RSL1D1: variants seen among roughly 807,000 people sequenced by gnomAD.
RSL1D1 encodes the protein ribosomal L1 domain-containing protein 1.
A neutral mutation model predicts 44.6 loss-of-function variants in RSL1D1; 34 were observed. The observed-to-expected ratio is 0.76, with a 90% CI of 0.58 to 1.02. The LOEUF (loss-of-function observed/expected upper bound fraction) is 1.02, where lower values mean the gene tolerates loss of function less well. Ranked by LOEUF, RSL1D1 falls within the 50% of genes least tolerant of loss-of-function variation. RSL1D1 has a pLI of 0.00. For missense variants in RSL1D1, 767 were observed against 568.1 expected, an observed-to-expected ratio of 1.35 and a Z score of -3.56; for synonymous variants, 271 against 207.4, an observed-to-expected ratio of 1.31 and a Z score of -2.63.
At chr16:11,840,661 T>C (rs1168917297) in intron 7 of RSL1D1, among the ~76,000 whole-genome samples, 2 of 152,306 alleles carry the variant, frequency 1.3e-5, no homozygotes, top group South Asian at 2.1e-4. Flanking sequence ...AAATTAAATT[T>C]TCTCTCCTTC....
At chr16:11,839,066 G>C (rs1043249339) in intron 8 of RSL1D1, among the ~76,000 whole-genome samples, 1 of 151,906 alleles carries the variant, frequency 6.6e-6, no homozygotes, top group Admixed American at 6.6e-5. Context: ...CAGATTCTCT[G>C]TGTAAAAGCC....
chr16:11,836,609 GA>G lies in RSL1D1; in HGVS notation c.*1177del, dbSNP rs1217095159. 3 of 152,180 alleles carry G rather than the reference GA, an allele frequency of 2.0e-5. No homozygotes were observed. Among genetic ancestry groups the G allele is most frequent in the Non-Finnish European group, 2.9e-5 (2 of 68,046 alleles). The allele number at this position is 152,180 out of a possible 1,614,324, so 9.4% of individuals were successfully genotyped here. A position where few individuals can be genotyped will look rare whatever the true frequency, so the allele number is the denominator to read the frequency against. ...TCCATATGGACTGAGGAATAAGGAG[GA>G]AGAGGATAAGGCTTATGGAAGATAA... On this transcript the variant is annotated 3_prime_UTR_variant, in exon 9 of 9. Transcript: ENST00000571133.
In RSL1D1 at chr16:11,851,520, C is replaced by T. The variant is rs372718819; in HGVS notation, c.-8G>A. ...CGAGGCCGAATCCTCCATCTTGTTT[C>T]CACCTCGTGAAGAGGCGCGTGTGCA... On this transcript the variant is annotated 5_prime_UTR_variant, in exon 1 of 9. Coordinates refer to ENST00000571133, the MANE Select transcript of RSL1D1 (RefSeq NM_015659.3). 6.2e-7 allele frequency: 1 copy of T among 1,612,946 alleles called. No individual in the cohort carries two copies. The highest frequency in any genetic ancestry group is 8.5e-7 in the Non-Finnish European group (1 of 1,179,756).
Position 11,839,781 on chromosome 16 carries a change from G to A in RSL1D1, c.1060C>T (p.Gln354Ter), listed in dbSNP as rs767647714. 1 of 1,613,982 alleles carries A rather than the reference G, an allele frequency of 6.2e-7. No individual in the cohort carries two copies. Among genetic ancestry groups the A allele is most frequent in the Non-Finnish European group, 8.5e-7 (1 of 1,180,006 alleles). ...GKKKRGRGKA[Q>*]VKATNESEDE... ...TCGGATTCATTTGTTGCTTTAACTT[G>A]GGCTTTTCCTCTGCCACGTTTTTTC... Residue 354 changes from glutamine (Q) to a stop codon, truncating the protein, a stop_gained, in exon 8 of 9, where the codon CAA (glutamine) becomes TAA (stop). Transcript: ENST00000571133. LOFTEE classifies it high-confidence loss of function.
intron 5 of RSL1D1, among the ~76,000 whole-genome samples, chr16:11,842,787 G>A (rs2053771481): frequency 6.9e-6 from 1 of 145,814 alleles, no homozygotes; most frequent in Admixed American, 6.8e-5. Context: ...GATGGAGTTT[G>A]CTCTGTCGCC....
intron 2 of RSL1D1, among the ~76,000 whole-genome samples, chr16:11,848,800 CTT>C (rs35932064): frequency 1.4e-3 from 201 of 143,002 alleles, no homozygotes; most frequent in African/African-American, 4.6e-3. Context: ...GCCAACATAA[CTT>C]TTTTTTTTTT....
At chr16:11,838,415 G>A (rs112974151) in intron 8 of RSL1D1, among the ~76,000 whole-genome samples, 1 of 151,796 alleles carries the variant, frequency 6.6e-6, no homozygotes, top group African/African-American at 2.4e-5. Flanking sequence ...CACCTGCCTC[G>A]GCCTCCCAAA....
chr16:11,846,563 T>A lies in RSL1D1; in HGVS notation c.573A>T (p.Ser191=). Residue 191 remains serine (S), a synonymous_variant, in exon 5 of 9, where the codon TCA becomes TCT. Coordinates refer to ENST00000571133, the MANE Select transcript of RSL1D1 (RefSeq NM_015659.3). Reference sequence around the variant, plus strand: ...CACCTATACAGTCATTGATCTCTCTTGATAAATTCTTGGACAGAAGGTTTA... The same window carrying A: ...CACCTATACAGTCATTGATCTCTCTAGATAAATTCTTGGACAGAAGGTTTA... ...VSVNLLSKNL[S]REINDCIGGT... is the part of the protein sequence containing the mutation. 2 of 1,608,996 alleles carry A rather than the reference T, an allele frequency of 1.2e-6. No homozygotes were observed. The highest frequency in any genetic ancestry group is 1.7e-6 in the Non-Finnish European group (2 of 1,177,834).
At chr16:11,841,666 A>C in intron 7 of RSL1D1, 29 bp downstream of exon 7, 1 of 1,591,724 alleles carries the variant, frequency 6.3e-7, no homozygotes. Flanking sequence ...TTCATTATTC[A>C]TTCTGTAAGT....
chr16:11,845,839 A>T (rs1454586938), intron 5 of RSL1D1, among the ~76,000 whole-genome samples: 3 of 151,758 alleles, frequency 2.0e-5, no homozygotes, highest in African/African-American at 7.3e-5. Flanking sequence ...CTCCTGCCAC[A>T]GCCTCCTGTG....
rs574739371 is a variant in RSL1D1, at chr16:11,835,265, T to G, written c.*2522A>C. 6.6e-6 allele frequency: 1 copy of G among 151,908 alleles called. No homozygotes were observed. The highest frequency in any genetic ancestry group is 2.1e-4 in the South Asian group (1 of 4,790). 9.4% of individuals were successfully genotyped at this position (151,908 alleles called of 1,614,324 possible). On this transcript the variant is annotated 3_prime_UTR_variant, in exon 9 of 9. Transcript: ENST00000571133. Reference sequence around the variant, plus strand: ...GGTGTGATCTCAGCTCACTGCAACCTCCACCTCCCGGGTTAAAGTGATTCT... The same window carrying G: ...GGTGTGATCTCAGCTCACTGCAACCGCCACCTCCCGGGTTAAAGTGATTCT...
At chr16:11,843,917 G>GGTGGAA (rs1332552062) in intron 5 of RSL1D1, among the ~76,000 whole-genome samples, 35 of 146,100 alleles carry the variant, frequency 2.4e-4, no homozygotes, top group African/African-American at 8.6e-4. Flanking sequence ...TCTTGTCCCT[G>GGTGGAA]GTGGAATAGT....
intron 7 of RSL1D1, 172 bp downstream of exon 7, chr16:11,841,523 T>C: frequency 1.7e-6 from 1 of 581,664 alleles, no homozygotes; most frequent in Non-Finnish European, 3.0e-6. Context: ...CTACCTCATG[T>C]AAAGTGACAA....
chr16:11,846,760 A>G lies in RSL1D1; in HGVS notation c.468T>C (p.Leu156=). 1 of 1,613,876 alleles carries G rather than the reference A, an allele frequency of 6.2e-7. No homozygotes were observed. Among genetic ancestry groups the G allele is most frequent in the Non-Finnish European group, 8.5e-7 (1 of 1,179,800 alleles). Residue 156 remains leucine (L), a synonymous_variant, in exon 4 of 9, where the codon CTT becomes CTC. Coordinates refer to ENST00000571133, the MANE Select transcript of RSL1D1 (RefSeq NM_015659.3). ...LRLLSSFDFF[L]TDARIRRLLP... ...AGAGCCGCCTAATTCTGGCATCAGT[A>G]AGGAAGAAATCAAAACTGCTCAGAA...
chr16:11,851,371 C>A, intron 1 of RSL1D1, 37 bp downstream of exon 1: 2 of 1,595,922 alleles, frequency 1.3e-6, no homozygotes, highest in South Asian at 2.2e-5. Context: ...GTAACCGCCA[C>A]ACTGCTTCCA....
rs1015027664 is a variant in RSL1D1 at position 11,834,474 on chromosome 16, G to A, written c.*3313C>T. ...GTCATGTTCAACAAGACTGAACTAC[G>A]GAGCAAAGAATCACACAGTGTTGCA... is the stretch of plus-strand genomic sequence containing the variant. On this transcript the variant is annotated 3_prime_UTR_variant, in exon 9 of 9. Transcript: ENST00000571133. 5 of 152,192 alleles carry A rather than the reference G, an allele frequency of 3.3e-5. No homozygotes were observed. Among genetic ancestry groups the A allele is most frequent in the East Asian group, 1.9e-4 (1 of 5,210 alleles). 9.4% of individuals were successfully genotyped at this position (152,192 alleles called of 1,614,324 possible).
At chr16:11,844,385 C>G (rs1297093025) in intron 5 of RSL1D1, among the ~76,000 whole-genome samples, 2 of 152,178 alleles carry the variant, frequency 1.3e-5, no homozygotes, top group South Asian at 2.1e-4. Flanking sequence ...CTTCATGGTA[C>G]CATCTTCTTC....
chr16:11,846,808 T>C lies in RSL1D1; in HGVS notation c.420A>G (p.Lys140=). 1 of 1,611,906 alleles carries C rather than the reference T, an allele frequency of 6.2e-7. No individual in the cohort carries two copies. The highest frequency in any genetic ancestry group is 8.5e-7 in the Non-Finnish European group (1 of 1,178,210). ...GAAGGCGGAGCTTGGCTTCATAGGA[T>C]TTATATTCCTTCTTTAGAGTTTGGA... ...ISLQTLKKEY[K]SYEAKLRLLS... The change falls in exon 4 of 9, where the codon AAA becomes AAG. Residue 140 remains lysine (K), a synonymous_variant. Transcript: ENST00000571133.
In RSL1D1 at chr16:11,836,279, C is replaced by A. The variant is rs954403125; in HGVS notation, c.*1508G>T. ...CTGTCTTTTTCTCAATCCTTTGACTCCACTGGACTTTGTCACCCCCACGAC... is the reference window on the plus strand; with the variant it reads ...CTGTCTTTTTCTCAATCCTTTGACTACACTGGACTTTGTCACCCCCACGAC... On this transcript the variant is annotated 3_prime_UTR_variant, in exon 9 of 9. Transcript: ENST00000571133. The A allele has an allele frequency of 6.6e-6, 1 of 152,248 alleles. No individual in the cohort carries two copies. Among genetic ancestry groups the A allele is most frequent in the African/African-American group, 2.4e-5 (1 of 41,450 alleles). The allele number at this position is 152,248 out of a possible 1,614,324, so 9.4% of individuals were successfully genotyped here.
Sources: gnomAD v4.1 joint callset for allele counts (sites outside exome capture counted in the v4.1 genomes callset) on GRCh38, gnomAD v4.1.1 for gene constraint, MANE v1.5 for transcripts, NCBI Gene and HGNC (gene_info 2026-07-23, HGNC 2026-07-21) for gene names.